NCAPD2: variants seen among roughly 807,000 people sequenced by gnomAD.
The protein encoded by NCAPD2 is non-SMC condensin I complex subunit D2.
NCAPD2 carries 100 observed loss-of-function variants against 164.5 expected under a neutral mutation model. That is an observed-to-expected ratio of 0.61 (90% confidence interval 0.52 to 0.72). The LOEUF is 0.72. Ranked by LOEUF, NCAPD2 falls within the 30% of genes least tolerant of loss-of-function variation. NCAPD2 has a pLI of 0.00. For missense variants in NCAPD2, 1,560 were observed against 1,749.2 expected, an observed-to-expected ratio of 0.89 and a Z score of 1.93; for synonymous variants, 585 against 642.6, an observed-to-expected ratio of 0.91 and a Z score of 1.36.
intron 6 of NCAPD2, among the ~76,000 whole-genome samples, chr12:6,513,731 TTTG>T: frequency 7.3e-6 from 1 of 137,198 alleles, no homozygotes; most frequent in African/African-American, 2.9e-5. Context: ...TTTTTTTTTT[TTTG>T]TGATGGAGTC....
chr12:6,504,182 CATATATATATATATATATATATATAT>C (rs1176237960), intron 2 of NCAPD2, among the ~76,000 whole-genome samples: 1 of 57,762 alleles, frequency 1.7e-5, no homozygotes, highest in African/African-American at 7.8e-5. Context: ...TATATATATA[CATATATATATATATATATATATATAT>C]ATATATATAG....
chr12:6,527,199 G>A (rs1031936750), intron 22 of NCAPD2, 136 bp downstream of exon 22: 20 of 942,206 alleles, frequency 2.1e-5, no homozygotes, highest in African/African-American at 8.4e-5. Flanking sequence ...GGCTACTACC[G>A]TAGGAAAGGT....
chr12:6,498,572 G>A (rs1242067792), intron 2 of NCAPD2, among the ~76,000 whole-genome samples: 1 of 151,788 alleles, frequency 6.6e-6, no homozygotes, highest in East Asian at 1.9e-4. Flanking sequence ...CTATGGTAAT[G>A]TTTAATTTAC....
chr12:6,516,679 C>T (rs950504345), intron 9 of NCAPD2, 149 bp from the exon 10 acceptor site: 2 of 769,512 alleles, frequency 2.6e-6, no homozygotes, highest in East Asian at 2.7e-5. Flanking sequence ...TTCTAGCATT[C>T]TCTGAGCAAC....
chr12:6,516,065 G>A (rs543906147), intron 9 of NCAPD2, among the ~76,000 whole-genome samples: 46 of 151,714 alleles, frequency 3.0e-4, no homozygotes, highest in African/African-American at 5.8e-4. Flanking sequence ...GTGTGGTGGC[G>A]CGCACCTGTA....
intron 2 of NCAPD2, among the ~76,000 whole-genome samples, chr12:6,497,601 A>G (rs1407953977): frequency 2.7e-5 from 4 of 150,230 alleles, no homozygotes; most frequent in African/African-American, 9.9e-5. Flanking sequence ...AAAGGACATG[A>G]TCTTGTTCCT....
Position 6,517,109 on chromosome 12 carries a change from C to CT in NCAPD2, c.1185+85dup, listed in dbSNP as rs1463824113. 2.0e-6 allele frequency: 3 copies of CT among 1,486,850 alleles called. No individual in the cohort carries two copies. The African/African-American group carries it at 4.2e-5, about 21-fold the overall frequency. 92.1% of individuals were successfully genotyped at this position (1,486,850 alleles called of 1,614,324 possible). A position where few individuals can be genotyped will look rare whatever the true frequency, so the allele number is the denominator to read the frequency against. ...GGAATCCAGTGTTGAAGATAAATAT[C>CT]TGCCCCAAAGAGGTCTAGAATTCAC... On this transcript the variant is annotated intron_variant, in intron 10 of 31. Transcript: ENST00000315579.
At chr12:6,513,715 C>CTTTTTTTTGTTTTTTTTTTTTTTTTT (rs1946172130) in intron 6 of NCAPD2, among the ~76,000 whole-genome samples, 3 of 74,890 alleles carry the variant, frequency 4.0e-5, no homozygotes, top group Non-Finnish European at 7.6e-5. Flanking sequence ...GTGACTTTGT[C>CTTTTTTTTGTTTTTTTTTTTTTTTTT]TTTTTTTTTT....
intron 29 of NCAPD2, among the ~76,000 whole-genome samples, chr12:6,530,399 G>A (rs1477773650): frequency 1.3e-5 from 2 of 152,138 alleles, no homozygotes; most frequent in Non-Finnish European, 2.9e-5. Flanking sequence ...TTCACTGCAC[G>A]TAATGACATG....
chr12:6,515,097 A>C (rs1170039853), intron 9 of NCAPD2, among the ~76,000 whole-genome samples, 177 bp downstream of exon 9: 1 of 152,232 alleles, frequency 6.6e-6, no homozygotes, highest in Non-Finnish European at 1.5e-5. Flanking sequence ...GCTCTTTATT[A>C]ATCTGTTAAT....
intron 6 of NCAPD2, among the ~76,000 whole-genome samples, chr12:6,513,715 C>CTTTATTTTTTTTTTTTTT (rs1946171835): frequency 1.3e-5 from 1 of 74,894 alleles, no homozygotes; most frequent in Non-Finnish European, 2.5e-5. Flanking sequence ...GTGACTTTGT[C>CTTTATTTTTTTTTTTTTT]TTTTTTTTTT....
At chr12:6,502,915 A>G (rs1946051426) in intron 2 of NCAPD2, among the ~76,000 whole-genome samples, 2 of 150,650 alleles carry the variant, frequency 1.3e-5, no homozygotes, top group African/African-American at 4.9e-5. Flanking sequence ...CAGTGGCACT[A>G]TCTCGGCTCA....
rs1401704535 is a variant in NCAPD2, at chr12:6,517,830, A to C, written c.1460A>C (p.Lys487Thr). ...TGGGAAGCCATGCTGCCAGAGTTGAAGTCTACCCTGCAGCAGCTTCTACAG... is the reference window on the plus strand; with the variant it reads ...TGGGAAGCCATGCTGCCAGAGTTGACGTCTACCCTGCAGCAGCTTCTACAG... ...EEWEAMLPEL[K>T]STLQQLLQLP... is the part of the protein sequence containing the mutation. Residue 487 changes from lysine to threonine, a missense_variant, in exon 13 of 32, where the codon AAG becomes ACG. Lys to Thr is a moderately conservative substitution (Grantham distance 78, BLOSUM62 -1). Transcript: ENST00000315579. 1 of 1,614,154 alleles carries C rather than the reference A, an allele frequency of 6.2e-7. No homozygotes were observed.
chr12:6,525,842 C>T (rs1946312313), intron 18 of NCAPD2, 126 bp downstream of exon 18: 4 of 1,366,464 alleles, frequency 2.9e-6, no homozygotes. Flanking sequence ...TATAACGCCA[C>T]CTAAATGGAA....
At chr12:6,526,805 A>AG in intron 21 of NCAPD2, 86 bp from the exon 22 acceptor site, 8 of 1,493,402 alleles carry the variant, frequency 5.4e-6, no homozygotes, top group Non-Finnish European at 7.3e-6. Flanking sequence ...CACGTGAGCA[A>AG]GGGGAAGATC....
Position 6,530,826 on chromosome 12 carries a change from G to C in NCAPD2, c.3964+9G>C. ...CAAGAAACCATCCACTGGTACGTAA[G>C]GCAGCCTGTGCGGGCGAGACCAGAC... On this transcript the variant is annotated intron_variant, in intron 30 of 31. Coordinates refer to ENST00000315579, the MANE Select transcript of NCAPD2 (RefSeq NM_014865.4). 1 of 1,614,168 alleles carries C rather than the reference G, an allele frequency of 6.2e-7. No individual in the cohort carries two copies. The highest frequency in any genetic ancestry group is 8.5e-7 in the Non-Finnish European group (1 of 1,180,032).
Position 6,523,244 on chromosome 12 carries a change from T to C in NCAPD2, c.2130-18T>C. On this transcript the variant is annotated intron_variant, in intron 16 of 31. Transcript: ENST00000315579. ...TTCCCAATCTTATAGTGACCGCTGA[T>C]CTCTGCTGTTCCCACAGAGCCAAGG... 1 of 1,610,114 alleles carries C rather than the reference T, an allele frequency of 6.2e-7. No individual in the cohort carries two copies. Among genetic ancestry groups the C allele is most frequent in the Non-Finnish European group, 8.5e-7 (1 of 1,176,736 alleles).
chr12:6,502,581 GTGT>G (rs762633705), intron 2 of NCAPD2, among the ~76,000 whole-genome samples: 5 of 152,056 alleles, frequency 3.3e-5, no homozygotes, highest in Admixed American at 2.0e-4. Context: ...AGGGGAGTAT[GTGT>G]TGTTGTTGTT....
Position 6,517,577 on chromosome 12 carries a change from TA to T in NCAPD2, c.1321-18del, listed in dbSNP as rs1436452985. The stretch of plus-strand genomic sequence containing the variant: ...AAATTATGTCATTTACTGACCCTGC[TA>T]TTCATTTTACCTGATAGCTTAGTGA... On this transcript the variant is annotated intron_variant, in intron 11 of 31. Transcript: ENST00000315579. 3.2e-5 allele frequency: 51 copies of T among 1,614,124 alleles called. No individual in the cohort carries two copies. Among genetic ancestry groups the T allele is most frequent in the Non-Finnish European group, 4.2e-5 (49 of 1,180,044 alleles).
Sources: allele counts gnomAD v4.1 joint callset (sites outside exome capture counted in the v4.1 genomes callset), GRCh38; gene constraint gnomAD v4.1.1; transcripts MANE v1.5; gene names NCBI Gene and HGNC (gene_info 2026-07-23, HGNC 2026-07-21).